PRKCH: variants seen among roughly 807,000 people sequenced by gnomAD.
PRKCH encodes the protein protein kinase C eta type.
In PRKCH, 28 loss-of-function variants were observed where a neutral mutation model predicts 82.5. That is an observed-to-expected ratio of 0.34 (90% CI 0.25 to 0.47). PRKCH has a LOEUF of 0.47. Among genes scored for constraint, PRKCH ranks in the 20% least tolerant of loss-of-function variants. The probability of loss-of-function intolerance (pLI) is 1.00; values close to 1 mark genes in which losing one functional copy is unlikely to be tolerated. For missense variants in PRKCH, 705 were observed against 881.8 expected, an observed-to-expected ratio of 0.80 and a Z score of 2.54; for synonymous variants, 322 against 327.4, an observed-to-expected ratio of 0.98 and a Z score of 0.18.
At chr14:61,459,391 C>T (rs1204783406) in intron 9 of PRKCH, among the ~76,000 whole-genome samples, 1 of 152,212 alleles carries the variant, frequency 6.6e-6, no homozygotes, top group Non-Finnish European at 1.5e-5. Flanking sequence ...ACAGGGTCAA[C>T]AGCACACTAT....
intron 1 of PRKCH, among the ~76,000 whole-genome samples, chr14:61,282,219 T>C (rs938237085): frequency 1.3e-5 from 2 of 151,472 alleles, no homozygotes; most frequent in African/African-American, 2.4e-5. Flanking sequence ...ATTTATAGGA[T>C]TTATTATAAA....
chr14:61,222,514 G>A (rs1009362851), intron 1 of PRKCH, among the ~76,000 whole-genome samples: 9 of 152,110 alleles, frequency 5.9e-5, no homozygotes, highest in African/African-American at 2.2e-4. Flanking sequence ...TAAAATATTT[G>A]CACAAAAACA....
intron 1 of PRKCH, among the ~76,000 whole-genome samples, chr14:61,286,322 A>T (rs2045313338): frequency 1.7e-5 from 1 of 57,936 alleles, no homozygotes; most frequent in Admixed American, 1.7e-4. Context: ...AACTGCATCC[A>T]GCAGACTTCT....
intron 1 of PRKCH, 34 bp downstream of exon 1, chr14:61,322,498 C>G (rs753168545): frequency 1.3e-6 from 2 of 1,568,850 alleles, no homozygotes; most frequent in Admixed American, 3.5e-5. Flanking sequence ...TTTGTGTCCA[C>G]CCAACCCCCG....
chr14:61,402,867 T>G (rs1162860437), intron 2 of PRKCH, among the ~76,000 whole-genome samples: 1 of 150,948 alleles, frequency 6.6e-6, no homozygotes, highest in Non-Finnish European at 1.5e-5. Context: ...ATTAATTTAT[T>G]TATTTTATTT....
At chr14:61,504,167 T>C (rs1887037183) in intron 10 of PRKCH, among the ~76,000 whole-genome samples, 1 of 148,020 alleles carries the variant, frequency 6.8e-6, no homozygotes. Context: ...TGACCCATTT[T>C]ACTCTCAGAG....
chr14:61,529,354 T>G, intron 11 of PRKCH, 141 bp downstream of exon 11: 1 of 925,906 alleles, frequency 1.1e-6, no homozygotes. Context: ...TAGACTCATT[T>G]ATGGCTCATT....
chr14:61,242,761 A>G (rs2044849986), intron 1 of PRKCH, among the ~76,000 whole-genome samples: 1 of 152,246 alleles, frequency 6.6e-6, no homozygotes, highest in East Asian at 1.9e-4. Flanking sequence ...TCCCTGGGAG[A>G]TAGGGTTATA....
chr14:61,421,782 A>G (rs1882847277), intron 2 of PRKCH, among the ~76,000 whole-genome samples: 1 of 152,178 alleles, frequency 6.6e-6, no homozygotes, highest in South Asian at 2.1e-4. Context: ...AAGCAGGCAT[A>G]GGTGGTGCTG....
intron 1 of PRKCH, among the ~76,000 whole-genome samples, chr14:61,210,774 CTCTCTCTCTCTCTCTCTG>C (rs1430061208): frequency 9.0e-6 from 1 of 110,810 alleles, no homozygotes; most frequent in Non-Finnish European, 2.2e-5. Context: ...CTCTCTCTCT[CTCTCTCTCTCTCTCTCTG>C]TGTGTGTGTG....
intron 1 of PRKCH, chr14:61,326,821 A>C: frequency 4.9e-6 from 1 of 205,604 alleles, no homozygotes; most frequent in South Asian, 6.4e-5. Flanking sequence ...CTCATTTTCT[A>C]AATTATCACT....
chr14:61,470,873 G>A (rs117865147), intron 9 of PRKCH, among the ~76,000 whole-genome samples: 2,398 of 151,910 alleles, frequency 0.016, 32 homozygotes, highest in Non-Finnish European at 0.026. Flanking sequence ...ACGTTTTTCC[G>A]TCGCTGTGCA....
rs901214376 is a variant in PRKCH at position 61,453,156 on chromosome 14, G to T, written c.833-70G>T. The T allele has an allele frequency of 2.0e-5, 32 of 1,581,444 alleles. No homozygotes were observed. The East Asian group carries it at 2.9e-4, about 14-fold the overall frequency. The stretch of plus-strand genomic sequence containing the variant: ...TGTTATAATCTTTTAGGCTATTAAA[G>T]TTCTCTGTTGCAGCACATGTTGAAT... On this transcript the variant is annotated intron_variant, in intron 6 of 13. Transcript: ENST00000332981.
rs115365894 is a variant in PRKCH at position 61,301,277 on chromosome 14, A to C, written c.-19+113609A>C. Among the ~76,000 whole-genome samples the C allele has an allele frequency of 2.7e-3, 413 of 152,330 alleles. 3 individuals carry two copies. The highest frequency in any genetic ancestry group is 9.7e-3 in the African/African-American group (402 of 41,570). ...TCACAAGCTAAATCTGGAAGGATGA[A>C]TCAGTACAGTCATTATTATCATCAC... On this transcript the variant is annotated intron_variant, in intron 1 of 3. Coordinates refer to the PRKCH transcript ENST00000555185.
chr14:61,399,353 T>C (rs186795843), intron 2 of PRKCH, among the ~76,000 whole-genome samples: 4 of 152,358 alleles, frequency 2.6e-5, no homozygotes, highest in African/African-American at 7.2e-5. Context: ...TGCTTGAACT[T>C]GAACATTTTA....
At chr14:61,433,049 A>G (rs1883493823) in intron 2 of PRKCH, among the ~76,000 whole-genome samples, 1 of 151,606 alleles carries the variant, frequency 6.6e-6, no homozygotes, top group African/African-American at 2.4e-5. Context: ...TCTTCAAAAA[A>G]AAAAAAAAAA....
chr14:61,247,561 C>T (rs1242836115), intron 1 of PRKCH, among the ~76,000 whole-genome samples: 1 of 151,494 alleles, frequency 6.6e-6, no homozygotes, highest in Non-Finnish European at 1.5e-5. Context: ...CATGGTGAAA[C>T]CCTATCTCTC....
At chr14:61,461,926 G>A (rs1023950282) in intron 9 of PRKCH, among the ~76,000 whole-genome samples, 3 of 152,186 alleles carry the variant, frequency 2.0e-5, no homozygotes, top group Admixed American at 6.5e-5. Flanking sequence ...GAAGTTTTAT[G>A]TTTGACCACA....
chr14:61,444,096 G>T (rs1185649473), intron 3 of PRKCH, among the ~76,000 whole-genome samples: 2 of 152,114 alleles, frequency 1.3e-5, no homozygotes, highest in Admixed American at 1.3e-4. Flanking sequence ...TTTGTATTTT[G>T]TTTTCTGTGA....
Sources: allele counts gnomAD v4.1 joint callset (sites outside exome capture counted in the v4.1 genomes callset), GRCh38; gene constraint gnomAD v4.1.1; transcripts MANE v1.5; gene names NCBI Gene and HGNC (gene_info 2026-07-23, HGNC 2026-07-21).